Variants in SCAI observed in about 807,000 individuals in gnomAD.
SCAI encodes suppressor of cancer cell invasion, also known as protein SCAI.
A neutral mutation model predicts 92.2 loss-of-function variants in SCAI; 24 were observed. The ratio of observed to expected loss-of-function variants is 0.26; its 90% CI spans 0.19 to 0.37. The LOEUF is 0.37. Ranked by LOEUF, SCAI falls within the 10% of genes least tolerant of loss-of-function variation. The pLI is 1.00. For missense variants in SCAI, 450 were observed against 736.2 expected (o/e 0.61, Z 4.50); for synonymous variants, 261 against 258.6 (o/e 1.01, Z -0.09).
chr9:124,972,895 T>C (rs544305521), intron 15 of SCAI, among the ~76,000 whole-genome samples: 54 of 152,288 alleles, frequency 3.5e-4, no homozygotes, highest in African/African-American at 1.3e-3. Flanking sequence ...TCCATGCCCC[T>C]CCCAAGTTCA....
intron 2 of SCAI, among the ~76,000 whole-genome samples, chr9:125,096,083 T>A (rs1301884101): frequency 6.6e-6 from 1 of 152,210 alleles, no homozygotes; most frequent in Non-Finnish European, 1.5e-5. Flanking sequence ...ACACTCATCC[T>A]GTATTAGTCT....
intron 16 of SCAI, 53 bp from the exon 17 acceptor site, chr9:124,971,523 T>C: frequency 6.8e-7 from 1 of 1,480,406 alleles, no homozygotes; most frequent in South Asian, 1.2e-5. Flanking sequence ...GAAATTATGT[T>C]TCAAAGGGGA....
chr9:125,092,298 A>AAAT (rs1834447431), intron 2 of SCAI, among the ~76,000 whole-genome samples: 2 of 151,796 alleles, frequency 1.3e-5, no homozygotes, highest in African/African-American at 4.8e-5. Flanking sequence ...TCTCTACTAA[A>AAAT]AAATAAATAA....
intron 9 of SCAI, among the ~76,000 whole-genome samples, chr9:125,010,414 GAGTCTCGCTGATTGCTAGCACAGC>G (rs903833271): frequency 2.0e-5 from 3 of 152,224 alleles, no homozygotes; most frequent in Admixed American, 6.5e-5. Context: ...TACACCCACG[GAGTCTCGCTGATTGCTAGCACAGC>G]AGTCTGAGAT....
At chr9:125,053,948 T>C (rs539770973) in intron 3 of SCAI, among the ~76,000 whole-genome samples, 11 of 152,186 alleles carry the variant, frequency 7.2e-5, no homozygotes, top group Non-Finnish European at 1.3e-4. Context: ...AATGCCTTCC[T>C]ACCTTTAAAT....
intron 2 of SCAI, among the ~76,000 whole-genome samples, chr9:125,079,016 A>G (rs191709000): frequency 1.6e-4 from 25 of 152,056 alleles, no homozygotes; most frequent in African/African-American, 6.0e-4. Context: ...TGATTCATCT[A>G]TTTTTGATAT....
At position 125,127,882 on chromosome 9, in the gene SCAI, C is replaced by T. The variant is rs1008699702; in HGVS notation, c.98+14751G>A. Among the ~76,000 whole-genome samples the T allele has an allele frequency of 3.3e-5, 5 of 151,962 alleles. 1 individual carries two copies. Among genetic ancestry groups the T allele is most frequent in the African/African-American group, 1.2e-4 (5 of 41,360 alleles). ...AATTAGCCAGATATGGTGGTGCGTT[C>T]CTGTAGTCCCAGCTACTCGGGAGGC... On this transcript the variant is annotated intron_variant, in intron 2 of 17. Transcript: ENST00000336505.
At chr9:125,022,416 GT>G (rs939887267) in intron 6 of SCAI, among the ~76,000 whole-genome samples, 1 of 151,892 alleles carries the variant, frequency 6.6e-6, no homozygotes, top group African/African-American at 2.4e-5. Flanking sequence ...TCTTTGAAGG[GT>G]TTATTTATTT....
chr9:125,120,111 G>C (rs531521985), intron 2 of SCAI, among the ~76,000 whole-genome samples: 1 of 152,300 alleles, frequency 6.6e-6, no homozygotes, highest in East Asian at 1.9e-4. Flanking sequence ...CCACTAGATG[G>C]GAGGAGTGTG....
At chr9:125,053,809 G>GTA (rs113090227) in intron 3 of SCAI, among the ~76,000 whole-genome samples, 31 of 152,190 alleles carry the variant, frequency 2.0e-4, no homozygotes, top group African/African-American at 6.7e-4. Flanking sequence ...AAATTTTATT[G>GTA]TATATAAATA....
chr9:124,999,054 G>A (rs1378309929), intron 13 of SCAI, among the ~76,000 whole-genome samples: 1 of 151,288 alleles, frequency 6.6e-6, no homozygotes, highest in South Asian at 2.1e-4. Context: ...AGTACCCCAG[G>A]AATATTTACA....
In SCAI at chr9:124,948,766, G is replaced by A. The variant is rs146739767; in HGVS notation, c.*4041C>T. The stretch of plus-strand genomic sequence containing the variant: ...GTTGTTTACAGTGATAGTTAAGAGA[G>A]ATGAGAGACTATCAGAATCTCCAGG... On this transcript the variant is annotated 3_prime_UTR_variant, in exon 18 of 18. Coordinates refer to ENST00000336505, the MANE Select transcript of SCAI (RefSeq NM_001144877.3). 52 of 152,340 alleles carry A rather than the reference G, an allele frequency of 3.4e-4. No individual in the cohort carries two copies. The highest frequency in any genetic ancestry group is 1.1e-3 in the African/African-American group (45 of 41,588). The allele number at this position is 152,340 out of a possible 1,614,324, so 9.4% of individuals were successfully genotyped here.
intron 17 of SCAI, among the ~76,000 whole-genome samples, chr9:124,961,609 C>T (rs1831436562): frequency 1.4e-5 from 2 of 142,088 alleles, no homozygotes; most frequent in South Asian, 4.4e-4. Flanking sequence ...GTGATCACGC[C>T]ATTGTACTCC....
chr9:125,084,425 C>T (rs1481922964), intron 2 of SCAI, among the ~76,000 whole-genome samples: 1 of 151,982 alleles, frequency 6.6e-6, no homozygotes, highest in Non-Finnish European at 1.5e-5. Flanking sequence ...CCGCCTGGGC[C>T]TCCCAAAGTG....
chr9:125,011,139 A>G (rs1832629857), intron 9 of SCAI, among the ~76,000 whole-genome samples: 1 of 152,242 alleles, frequency 6.6e-6, no homozygotes, highest in Admixed American at 6.5e-5. Context: ...TCCTCCGCCA[A>G]AGGAATGCAG....
In SCAI at chr9:125,136,803, C is replaced by T. The variant is rs1341451193; in HGVS notation, c.98+5830G>A. 5.0e-5 allele frequency among the ~76,000 whole-genome samples: 7 copies of T among 138,698 alleles called. No homozygotes were observed. The South Asian group carries it at 9.1e-4, about 18-fold the overall frequency. 91.0% of individuals were successfully genotyped at this position (138,698 alleles called of 152,430 possible). On this transcript the variant is annotated intron_variant, in intron 2 of 17. Transcript: ENST00000336505. ...TTTTTTTTTGAGACGAAGTCTTGCT[C>T]TGTCACCCAGGCTAGAGTGCAGCGA...
In SCAI at chr9:125,098,030, TAC is replaced by T. The variant is rs1564412040; in HGVS notation, c.99-42025_99-42024del. Among the ~76,000 whole-genome samples, 3 of 149,462 alleles carry T rather than the reference TAC, an allele frequency of 2.0e-5. No individual in the cohort carries two copies. In the South Asian group the frequency reaches 6.3e-4, roughly 31 times the overall value. On this transcript the variant is annotated intron_variant, in intron 2 of 17. Coordinates refer to ENST00000336505, the MANE Select transcript of SCAI (RefSeq NM_001144877.3). ...GTGTGTGTGTGTATATATATATCTATACACACACATATATATATGTGTATATA... is the reference window on the plus strand; with the variant it reads ...GTGTGTGTGTGTATATATATATCTATACACACATATATATATGTGTATATA...
intron 2 of SCAI, among the ~76,000 whole-genome samples, chr9:125,116,559 A>T (rs1835051108): frequency 6.6e-6 from 1 of 152,166 alleles, no homozygotes; most frequent in South Asian, 2.1e-4. Flanking sequence ...TTTTTATTAC[A>T]AGTAAAATTT....
At chr9:125,110,644 T>C (rs1834911643) in intron 2 of SCAI, among the ~76,000 whole-genome samples, 1 of 152,218 alleles carries the variant, frequency 6.6e-6, no homozygotes, top group African/African-American at 2.4e-5. Flanking sequence ...GCTCCAGCCA[T>C]GTAAGACCTG....
Sources: gnomAD v4.1 joint callset for allele counts (sites outside exome capture counted in the v4.1 genomes callset) on GRCh38, gnomAD v4.1.1 for gene constraint, MANE v1.5 for transcripts, NCBI Gene and HGNC (gene_info 2026-07-23, HGNC 2026-07-21) for gene names.